The following CLSTN2 variants were observed in gnomAD, a reference collection of about 807,000 sequenced individuals.
The protein encoded by CLSTN2 is calsyntenin-2.
A neutral mutation model predicts 101.2 loss-of-function variants in CLSTN2; 48 were observed. That is an observed-to-expected ratio of 0.47 (90% CI 0.38 to 0.60). The LOEUF is 0.60. Among genes scored for constraint, CLSTN2 ranks in the 20% least tolerant of loss-of-function variants. The pLI, the probability that CLSTN2 is intolerant of heterozygous loss-of-function variation, is 0.00. For synonymous variants in CLSTN2, 481 were observed against 463.6 expected, an observed-to-expected ratio of 1.04 and a Z score of -0.48; for missense variants, 1,160 against 1,238.2, an observed-to-expected ratio of 0.94 and a Z score of 0.95.
intron 2 of CLSTN2, among the ~76,000 whole-genome samples, chr3:140,204,483 A>G: frequency 6.6e-6 from 1 of 152,272 alleles, no homozygotes; most frequent in Non-Finnish European, 1.5e-5. Context: ...TATCTGCCAC[A>G]TAATCACTTC....
intron 1 of CLSTN2, among the ~76,000 whole-genome samples, chr3:140,110,395 A>G (rs1358515722): frequency 6.6e-6 from 1 of 152,238 alleles, no homozygotes. Context: ...GCAGTAAGCA[A>G]AGAGGGAAAT....
chr3:140,126,895 G>A lies in CLSTN2; in HGVS notation c.110-49056G>A, dbSNP rs560717000. Among the ~76,000 whole-genome samples the A allele has an allele frequency of 6.0e-4, 92 of 152,184 alleles. 1 individual carries two copies. The highest frequency in any genetic ancestry group is 3.4e-3 in the Middle Eastern group (1 of 294). ...ACTGTGTAAAGGCACACCAGTGGCT[G>A]TAACCCATCGTGGGGTGGGTTGCAA... is the stretch of plus-strand genomic sequence containing the variant. On this transcript the variant is annotated intron_variant, in intron 1 of 16. Transcript: ENST00000458420.
intron 1 of CLSTN2, among the ~76,000 whole-genome samples, chr3:139,956,527 T>C (rs911706645): frequency 2.0e-5 from 3 of 152,190 alleles, no homozygotes; most frequent in Admixed American, 1.3e-4. Context: ...TTCTAGTTTA[T>C]TGTGAAAGTA....
At chr3:140,345,663 T>C (rs1289015134) in intron 2 of CLSTN2, among the ~76,000 whole-genome samples, 3 of 147,538 alleles carry the variant, frequency 2.0e-5, no homozygotes, top group African/African-American at 7.6e-5. Flanking sequence ...CAGAAGGCCG[T>C]GCATGTGTGT....
chr3:140,171,714 GTATTATA>G (rs2010224845), intron 1 of CLSTN2, among the ~76,000 whole-genome samples: 2 of 95,014 alleles, frequency 2.1e-5, no homozygotes, highest in East Asian at 5.4e-4. Flanking sequence ...TATGTATTAT[GTATTATA>G]TATTATATAT....
At chr3:140,221,477 A>G (rs1261440175) in intron 2 of CLSTN2, among the ~76,000 whole-genome samples, 1 of 152,214 alleles carries the variant, frequency 6.6e-6, no homozygotes, top group East Asian at 1.9e-4. Flanking sequence ...AATGAAATGT[A>G]GACCAGGAAT....
intron 2 of CLSTN2, among the ~76,000 whole-genome samples, chr3:140,389,496 C>T (rs1385702803): frequency 2.0e-5 from 3 of 152,182 alleles, no homozygotes; most frequent in African/African-American, 7.2e-5. Flanking sequence ...GCATAGTATT[C>T]CATGGTGTAT....
intron 1 of CLSTN2, among the ~76,000 whole-genome samples, chr3:140,133,292 C>G (rs767891488): frequency 1.5e-4 from 23 of 152,164 alleles, no homozygotes; most frequent in African/African-American, 5.6e-4. Context: ...CTCCATGACC[C>G]AAACACCTCC....
chr3:140,155,097 A>C (rs914200178), intron 1 of CLSTN2, among the ~76,000 whole-genome samples: 2 of 152,090 alleles, frequency 1.3e-5, no homozygotes, highest in African/African-American at 4.8e-5. Flanking sequence ...AGAGGGTCTA[A>C]ACGGAAATTG....
intron 12 of CLSTN2, among the ~76,000 whole-genome samples, chr3:140,559,384 A>C (rs539782242): frequency 3.4e-4 from 52 of 152,154 alleles, no homozygotes; most frequent in Non-Finnish European, 6.3e-4. Context: ...TATATATAAA[A>C]GTTAGGTCTC....
At chr3:140,247,299 C>T (rs1323963207) in intron 2 of CLSTN2, among the ~76,000 whole-genome samples, 2 of 152,124 alleles carry the variant, frequency 1.3e-5, no homozygotes. Flanking sequence ...ACAAGCTCAT[C>T]CAGGTTTTCT....
chr3:140,544,713 AG>A (rs1935552522), intron 9 of CLSTN2, among the ~76,000 whole-genome samples: 1 of 131,216 alleles, frequency 7.6e-6, no homozygotes, highest in Non-Finnish European at 1.6e-5. Flanking sequence ...CAGGGTGGGG[AG>A]GGGGCAGGGT....
chr3:140,194,693 G>A (rs1266448583), intron 2 of CLSTN2, among the ~76,000 whole-genome samples: 3 of 152,116 alleles, frequency 2.0e-5, no homozygotes, highest in East Asian at 1.9e-4. Flanking sequence ...CCTCCTTACT[G>A]CTAACTGGAG....
intron 1 of CLSTN2, among the ~76,000 whole-genome samples, chr3:140,061,977 T>C (rs1459398509): frequency 6.6e-6 from 1 of 152,250 alleles, no homozygotes; most frequent in Non-Finnish European, 1.5e-5. Flanking sequence ...TGAAAGCTCC[T>C]GTCTGCCAAT....
chr3:140,016,255 G>A (rs755266447), intron 1 of CLSTN2, among the ~76,000 whole-genome samples: 44 of 152,174 alleles, frequency 2.9e-4, no homozygotes, highest in Admixed American at 7.9e-4. Context: ...GAATCCCTCA[G>A]TCTGCCAGGC....
At chr3:140,345,831 C>T (rs192237518) in intron 2 of CLSTN2, among the ~76,000 whole-genome samples, 1 of 152,222 alleles carries the variant, frequency 6.6e-6, no homozygotes, top group Non-Finnish European at 1.5e-5. Context: ...TATATGTTTG[C>T]CGGATGGTAC....
chr3:140,191,583 G>T (rs1242398618), intron 2 of CLSTN2, among the ~76,000 whole-genome samples: 2 of 151,878 alleles, frequency 1.3e-5, no homozygotes, highest in Non-Finnish European at 2.9e-5. Context: ...CATAGTTACA[G>T]AGCTCTTCAA....
intron 1 of CLSTN2, among the ~76,000 whole-genome samples, chr3:139,973,169 G>A (rs1935745341): frequency 6.6e-6 from 1 of 152,216 alleles, no homozygotes; most frequent in Admixed American, 6.5e-5. Context: ...ATAGCCCTAG[G>A]TGGGCTCTGG....
At chr3:140,360,850 G>A (rs1278828704) in intron 2 of CLSTN2, among the ~76,000 whole-genome samples, 2 of 152,218 alleles carry the variant, frequency 1.3e-5, no homozygotes, top group African/African-American at 4.8e-5. Flanking sequence ...GCAGACAAAT[G>A]GAATTACTAA....
Sources: allele counts gnomAD v4.1 joint callset (sites outside exome capture counted in the v4.1 genomes callset), GRCh38; gene constraint gnomAD v4.1.1; transcripts MANE v1.5; gene names NCBI Gene and HGNC (gene_info 2026-07-23, HGNC 2026-07-21).